Variants in MYO16 observed in about 807,000 individuals in gnomAD.
MYO16 encodes the protein unconventional myosin-XVI.
Under a neutral mutation model 205.3 loss-of-function variants are expected in MYO16, and 94 were observed. The observed-to-expected ratio is 0.46, with a 90% CI of 0.39 to 0.54. MYO16 has a LOEUF of 0.54. Among genes scored for constraint, MYO16 ranks in the 20% least tolerant of loss-of-function variants. The probability of loss-of-function intolerance (pLI) is 0.00; values close to 1 mark genes in which losing one functional copy is unlikely to be tolerated. For missense variants in MYO16, 2,315 were observed against 2,387.5 expected (o/e 0.97, Z 0.63); for synonymous variants, 988 against 954.0 (o/e 1.04, Z -0.66).
chr13:108,779,236 G>C (rs927778694), intron 4 of MYO16, among the ~76,000 whole-genome samples: 2 of 152,268 alleles, frequency 1.3e-5, no homozygotes, highest in Admixed American at 1.3e-4. Context: ...ATCATTGAGG[G>C]CCTGGGACCA....
At chr13:109,004,102 A>G (rs139314149) in intron 21 of MYO16, among the ~76,000 whole-genome samples, 2 of 152,340 alleles carry the variant, frequency 1.3e-5, no homozygotes, top group Admixed American at 1.3e-4. Flanking sequence ...CATGGATTCA[A>G]CATTGTTTCT....
chr13:109,048,205 T>A, intron 24 of MYO16: 1 of 468,802 alleles, frequency 2.1e-6, no homozygotes, highest in Non-Finnish European at 4.0e-6. Flanking sequence ...GTGTGTGTAT[T>A]TAGAATGAAA....
intron 2 of MYO16, among the ~76,000 whole-genome samples, chr13:108,702,087 A>G (rs539635845): frequency 9.7e-4 from 147 of 152,304 alleles, no homozygotes; most frequent in Non-Finnish European, 1.5e-3. Context: ...GTACCAATGT[A>G]CATAATGGAG....
intron 27 of MYO16, among the ~76,000 whole-genome samples, chr13:109,059,843 G>A (rs1441264960): frequency 2.0e-5 from 3 of 152,180 alleles, no homozygotes; most frequent in African/African-American, 7.2e-5. Context: ...CCATGCCTGT[G>A]TCCTGAGTGG....
At chr13:109,067,164 A>G (rs1887776224) in intron 27 of MYO16, among the ~76,000 whole-genome samples, 2 of 152,200 alleles carry the variant, frequency 1.3e-5, no homozygotes, top group African/African-American at 2.4e-5. Flanking sequence ...TCTTCACTGT[A>G]TACTCACTAT....
At chr13:109,205,297 G>C (rs1186062802) in intron 34 of MYO16, among the ~76,000 whole-genome samples, 1 of 152,138 alleles carries the variant, frequency 6.6e-6, no homozygotes. Context: ...CTTGATCCCA[G>C]CCTTTAAAAT....
chr13:109,151,424 A>G (rs898307377), intron 32 of MYO16, among the ~76,000 whole-genome samples: 1 of 152,206 alleles, frequency 6.6e-6, no homozygotes, highest in Non-Finnish European at 1.5e-5. Context: ...CCTCCACGCA[A>G]ATGACTAAGT....
intron 34 of MYO16, among the ~76,000 whole-genome samples, chr13:109,201,725 A>G (rs1178019133): frequency 1.3e-5 from 2 of 152,012 alleles, no homozygotes; most frequent in Non-Finnish European, 1.5e-5. Flanking sequence ...ACTGAACCCA[A>G]TTTGTAGTCT....
chr13:108,730,644 G>A (rs950251158), intron 4 of MYO16, among the ~76,000 whole-genome samples: 4 of 152,252 alleles, frequency 2.6e-5, no homozygotes, highest in South Asian at 2.1e-4. Context: ...TGAGGTAATA[G>A]ACATTAGCCT....
chr13:109,090,011 T>G (rs947375461), intron 27 of MYO16, among the ~76,000 whole-genome samples: 1 of 152,190 alleles, frequency 6.6e-6, no homozygotes, highest in Non-Finnish European at 1.5e-5. Flanking sequence ...AAGAATTGCA[T>G]GGGAAAGACG....
chr13:109,057,235 A>G (rs182365831), intron 27 of MYO16, among the ~76,000 whole-genome samples: 9 of 152,316 alleles, frequency 5.9e-5, no homozygotes, highest in Admixed American at 2.0e-4. Flanking sequence ...ACATAGAAGA[A>G]AATAAACAAC....
At chr13:108,497,376 A>G in the MYO16 span, among the ~76,000 whole-genome samples, 1 of 152,204 alleles carries the variant, frequency 6.6e-6, no homozygotes, top group Non-Finnish European at 1.5e-5. Flanking sequence ...TTAATATTAA[A>G]CAAGCATATG....
intron 1 of MYO16, among the ~76,000 whole-genome samples, chr13:108,613,086 A>G (rs957856539): frequency 1.3e-5 from 2 of 152,166 alleles, no homozygotes; most frequent in African/African-American, 2.4e-5. Context: ...GAAAGATGGG[A>G]TTGATTATGG....
chr13:108,886,643 T>G (rs1280195352), intron 13 of MYO16, among the ~76,000 whole-genome samples: 1 of 152,074 alleles, frequency 6.6e-6, no homozygotes, highest in Non-Finnish European at 1.5e-5. Context: ...CCATATTGAT[T>G]GATTTCCCTT....
At chr13:108,567,291 T>C in the MYO16 span, among the ~76,000 whole-genome samples, 1 of 152,156 alleles carries the variant, frequency 6.6e-6, no homozygotes, top group Non-Finnish European at 1.5e-5. Context: ...TGACTGGTTA[T>C]GAAGGGAGAG....
rs768497394 is a variant in MYO16, at chr13:109,127,636, G to T, written c.4051+86G>T. ...TTGGGGCGCCCATGGCAGTACTGTC[G>T]CCCTAATGTATTCTTAATAGAAATA... is the stretch of plus-strand genomic sequence containing the variant. On this transcript the variant is annotated intron_variant, in intron 31 of 34. Transcript: ENST00000457511. This position sits in a 1 kb window ranked among gnomAD's most constrained non-coding sequence, Gnocchi z 4.2. 3.7e-6 allele frequency: 5 copies of T among 1,360,446 alleles called. No individual in the cohort carries two copies. The highest frequency in any genetic ancestry group is 1.3e-5 in the South Asian group (1 of 79,912). 84.3% of individuals were successfully genotyped at this position (1,360,446 alleles called of 1,614,324 possible). A position where few individuals can be genotyped will look rare whatever the true frequency, so the allele number is the denominator to read the frequency against.
intron 1 of MYO16, among the ~76,000 whole-genome samples, chr13:108,644,883 G>A (rs2139386989): frequency 6.6e-6 from 1 of 152,338 alleles, no homozygotes; most frequent in Middle Eastern, 3.4e-3. Flanking sequence ...GGTTAAGAGT[G>A]TTTGATGAAG....
chr13:108,599,356 C>T (rs999869311), intron 1 of MYO16, among the ~76,000 whole-genome samples: 1 of 149,352 alleles, frequency 6.7e-6, no homozygotes, highest in African/African-American at 2.5e-5. Context: ...GGTATATACC[C>T]AGTAATGGGA....
At chr13:109,002,189 A>G (rs560238173) in intron 21 of MYO16, among the ~76,000 whole-genome samples, 9 of 152,264 alleles carry the variant, frequency 5.9e-5, no homozygotes, top group African/African-American at 1.7e-4. Flanking sequence ...ATTAATTCCA[A>G]TGTGCAGATA....
Sources: allele counts gnomAD v4.1 joint callset (sites outside exome capture counted in the v4.1 genomes callset), GRCh38; gene constraint gnomAD v4.1.1; non-coding constraint Gnocchi (gnomAD v3.1); transcripts MANE v1.5; gene names NCBI Gene and HGNC (gene_info 2026-07-23, HGNC 2026-07-21).